PTPRD: variants seen among roughly 807,000 people sequenced by gnomAD.
PTPRD encodes protein tyrosine phosphatase receptor type D, also known as receptor-type tyrosine-protein phosphatase delta.
PTPRD carries 34 observed loss-of-function variants against 214.5 expected under a neutral mutation model. That is an observed-to-expected ratio of 0.16 (90% CI 0.12 to 0.21). The LOEUF is 0.21. Among genes scored for constraint, PTPRD ranks in the 10% least tolerant of loss-of-function variants. PTPRD has a pLI of 1.00. For synonymous variants in PTPRD, 1,128 were observed against 845.7 expected (o/e 1.33, Z -5.79); for missense variants, 2,545 against 2,398.7 (o/e 1.06, Z -1.27).
chr9:8,904,956 G>A (rs1587767294), intron 11 of PTPRD, among the ~76,000 whole-genome samples: 1 of 152,222 alleles, frequency 6.6e-6, no homozygotes, highest in East Asian at 1.9e-4. Context: ...CATTAAAATT[G>A]GCCGAAGATG....
chr9:8,484,520 A>G, intron 29 of PTPRD, 142 bp from the exon 30 acceptor site: 3 of 802,732 alleles, frequency 3.7e-6, no homozygotes, highest in Non-Finnish European at 3.8e-6. Flanking sequence ...ATGAGTAGTC[A>G]TAATTCTGGA....
intron 12 of PTPRD, among the ~76,000 whole-genome samples, chr9:8,655,521 T>C (rs1457226859): frequency 6.6e-6 from 1 of 152,180 alleles, no homozygotes; most frequent in African/African-American, 2.4e-5. Flanking sequence ...CTTTAACATC[T>C]GAACTTCAAA....
chr9:8,733,692 G>A (rs773242710), intron 12 of PTPRD, 88 bp downstream of exon 12: 22 of 1,318,866 alleles, frequency 1.7e-5, no homozygotes, highest in Non-Finnish European at 2.3e-5. Context: ...CAAAGGAAAT[G>A]TATTCAGAGG....
rs16930043 is a variant in PTPRD at position 9,684,021 on chromosome 9, G to T, written c.-287+50512C>A. Among the ~76,000 whole-genome samples, 640 of 151,686 alleles carry T rather than the reference G, an allele frequency of 4.2e-3. 2 individuals carry two copies. The highest frequency in any genetic ancestry group is 6.9e-3 in the Non-Finnish European group (465 of 67,744). On this transcript the variant is annotated intron_variant, in intron 7 of 45. Coordinates refer to ENST00000381196, the MANE Select transcript of PTPRD (RefSeq NM_002839.4). ...GAGGGCTTCTTTGTAGCCTAAAGAG[G>T]ATTATGTAGACCTCTAGGGAACTGT...
intron 9 of PTPRD, among the ~76,000 whole-genome samples, chr9:9,279,221 T>C (rs1946767691): frequency 6.6e-6 from 1 of 150,444 alleles, no homozygotes; most frequent in African/African-American, 2.4e-5. Flanking sequence ...CATCCAGATA[T>C]ACATATATGC....
chr9:10,277,042 C>T (rs547466726), intron 3 of PTPRD, among the ~76,000 whole-genome samples: 2 of 152,268 alleles, frequency 1.3e-5, no homozygotes, highest in African/African-American at 4.8e-5. Flanking sequence ...AAGGAAGTAG[C>T]AGAGGGCTAC....
chr9:10,029,414 A>G (rs2097005384), intron 4 of PTPRD, among the ~76,000 whole-genome samples: 1 of 152,170 alleles, frequency 6.6e-6, no homozygotes, highest in South Asian at 2.1e-4. Flanking sequence ...CAGACACTCA[A>G]TGGCAGCTTG....
At chr9:8,405,299 T>C (rs2092857997) in intron 35 of PTPRD, among the ~76,000 whole-genome samples, 1 of 152,146 alleles carries the variant, frequency 6.6e-6, no homozygotes. Flanking sequence ...CCAATGCATA[T>C]AAATTGTTTT....
intron 6 of PTPRD, among the ~76,000 whole-genome samples, chr9:9,742,611 G>C (rs916874756): frequency 2.0e-5 from 3 of 151,902 alleles, no homozygotes; most frequent in Non-Finnish European, 4.4e-5. Context: ...GGTCATCAGA[G>C]AGCCTGAGCC....
At chr9:9,095,977 G>A (rs754473834) in intron 10 of PTPRD, among the ~76,000 whole-genome samples, 4 of 152,126 alleles carry the variant, frequency 2.6e-5, no homozygotes, top group Non-Finnish European at 2.9e-5. Flanking sequence ...GAGGATATTA[G>A]GCTAAGTGAA....
intron 4 of PTPRD, among the ~76,000 whole-genome samples, chr9:9,967,377 A>C (rs1341765229): frequency 1.3e-5 from 2 of 152,190 alleles, no homozygotes; most frequent in Non-Finnish European, 2.9e-5. Flanking sequence ...AACAGAGGAA[A>C]ATAGAGAAGG....
At chr9:9,460,766 G>A (rs1290672756) in intron 8 of PTPRD, among the ~76,000 whole-genome samples, 1 of 151,916 alleles carries the variant, frequency 6.6e-6, no homozygotes, top group Non-Finnish European at 1.5e-5. Context: ...CAATATGGAT[G>A]ATTCTAAAAC....
chr9:9,739,789 T>C (rs969591979), intron 6 of PTPRD, among the ~76,000 whole-genome samples: 1 of 151,936 alleles, frequency 6.6e-6, no homozygotes, highest in Non-Finnish European at 1.5e-5. Context: ...TTGAGATAGA[T>C]ACTTATATTA....
At chr9:9,366,393 C>T (rs1332763217) in intron 9 of PTPRD, among the ~76,000 whole-genome samples, 1 of 151,332 alleles carries the variant, frequency 6.6e-6, no homozygotes, top group African/African-American at 2.4e-5. Flanking sequence ...GAGTAGGTCA[C>T]CTGTGGACAG....
chr9:9,922,953 T>G (rs1463185680), intron 5 of PTPRD, among the ~76,000 whole-genome samples: 1 of 67,394 alleles, frequency 1.5e-5, no homozygotes, highest in Non-Finnish European at 3.3e-5. Flanking sequence ...CTGCTAGTAT[T>G]CTAATTCTAT....
intron 11 of PTPRD, among the ~76,000 whole-genome samples, chr9:8,952,899 A>C (rs1211488272): frequency 6.6e-6 from 1 of 151,930 alleles, no homozygotes; most frequent in East Asian, 1.9e-4. Context: ...AAGCATAACA[A>C]AGAAGAATCA....
chr9:10,586,928 T>C (rs2074074729), intron 2 of PTPRD, among the ~76,000 whole-genome samples: 1 of 152,078 alleles, frequency 6.6e-6, no homozygotes, highest in Non-Finnish European at 1.5e-5. Flanking sequence ...TCATTTTGCA[T>C]TTTACATGAT....
chr9:8,606,556 T>C (rs1179768962), intron 14 of PTPRD, among the ~76,000 whole-genome samples: 7 of 152,118 alleles, frequency 4.6e-5, no homozygotes, highest in Non-Finnish European at 7.4e-5. Context: ...TAAGTAACTG[T>C]TGAAGGAGGG....
chr9:9,313,294 G>A (rs1273452801), intron 9 of PTPRD, among the ~76,000 whole-genome samples: 3 of 152,138 alleles, frequency 2.0e-5, no homozygotes, highest in South Asian at 4.1e-4. Flanking sequence ...ATGTATAGAT[G>A]ATCTCTCTGT....
Sources: gnomAD v4.1 joint callset for allele counts (sites outside exome capture counted in the v4.1 genomes callset) on GRCh38, gnomAD v4.1.1 for gene constraint, MANE v1.5 for transcripts, NCBI Gene and HGNC (gene_info 2026-07-23, HGNC 2026-07-21) for gene names.